RBM39: variants seen among roughly 807,000 people sequenced by gnomAD.
RBM39 encodes the protein RNA binding motif protein 39, also known as RNA-binding protein 39.
A neutral mutation model predicts 79.6 loss-of-function variants in RBM39; 12 were observed. The ratio of observed to expected loss-of-function variants is 0.15; its 90% CI spans 0.10 to 0.24. The LOEUF is 0.24. Ranked by LOEUF, RBM39 falls within the 10% of genes least tolerant of loss-of-function variation. The pLI is 1.00. For missense variants in RBM39, 243 were observed against 653.4 expected (o/e 0.37, Z 6.85); for synonymous variants, 185 against 208.4 (o/e 0.89, Z 0.97).
At chr20:35,732,319 A>T in intron 3 of RBM39, 184 bp from the exon 4 acceptor site, 1 of 603,864 alleles carries the variant, frequency 1.7e-6, no homozygotes, top group South Asian at 2.1e-5. Context: ...GCACTTTGGT[A>T]GGCCGAGGCA....
rs1188321290 is a variant in RBM39, at chr20:35,711,325, A to G, written c.1174+1694T>C. Among the ~76,000 whole-genome samples the G allele has an allele frequency of 2.0e-5, 3 of 152,230 alleles. No individual in the cohort carries two copies. The East Asian group carries it at 5.8e-4, about 29-fold the overall frequency. ...GTTAAAAAAAAACCTTTCAAACTGT[A>G]ATAATAAACTCTAGGTAATGAGTTT... On this transcript the variant is annotated intron_variant, in intron 12 of 16. Transcript: ENST00000253363.
At position 35,720,343 on chromosome 20, in the gene RBM39, G is replaced by A. The variant is rs143628965; in HGVS notation, c.825+1397C>T. On this transcript the variant is annotated intron_variant, in intron 9 of 16. Coordinates refer to ENST00000253363, the MANE Select transcript of RBM39 (RefSeq NM_184234.3). ...AATGCCAGACACAAGGCCTCGTGGC[G>A]CCTGTGAAGCAGATCAAGTTGGTTC... Among the ~76,000 whole-genome samples, 55 of 152,232 alleles carry A rather than the reference G, an allele frequency of 3.6e-4. No homozygotes were observed. The East Asian group carries it at 7.5e-3, about 21-fold the overall frequency.
chr20:35,718,396 A>C (rs749865476), intron 9 of RBM39, among the ~76,000 whole-genome samples: 24 of 152,090 alleles, frequency 1.6e-4, no homozygotes, highest in Non-Finnish European at 3.1e-4. Context: ...TAAACAATAT[A>C]AACATTTAGG....
intron 1 of RBM39, chr20:35,741,625 A>G (rs2425123): frequency 0.19 from 28,361 of 152,032 alleles, 3,043 homozygotes; most frequent in African/African-American, 0.31. Flanking sequence ...AGGGGCAAAG[A>G]GAAACTCCCT....
chr20:35,725,885 A>T (rs1270502785), intron 6 of RBM39, among the ~76,000 whole-genome samples: 1 of 151,970 alleles, frequency 6.6e-6, no homozygotes, highest in Non-Finnish European at 1.5e-5. Flanking sequence ...GCTGGTCTCC[A>T]ACTTTTGATC....
intron 13 of RBM39, among the ~76,000 whole-genome samples, chr20:35,708,450 A>C (rs1401720138): frequency 1.3e-5 from 2 of 152,266 alleles, no homozygotes; most frequent in East Asian, 3.9e-4. Context: ...AAGCTAGATC[A>C]ATGCAGAACA....
chr20:35,727,648 G>GTTTTTT (rs773616534), intron 6 of RBM39, among the ~76,000 whole-genome samples: 2 of 134,524 alleles, frequency 1.5e-5, no homozygotes, highest in African/African-American at 5.7e-5. Flanking sequence ...GCTAATTTTT[G>GTTTTTT]TATTTTTTTT....
At chr20:35,725,610 C>T (rs1429080204) in intron 6 of RBM39, among the ~76,000 whole-genome samples, 1 of 151,104 alleles carries the variant, frequency 6.6e-6, no homozygotes, top group African/African-American at 2.4e-5. Context: ...GTTCAGTAAA[C>T]AGAGTAAGCT....
At position 35,721,671 on chromosome 20, in the gene RBM39, A is replaced by G. The variant is rs189569854; in HGVS notation, c.825+69T>C. On this transcript the variant is annotated intron_variant, in intron 9 of 16. Coordinates refer to ENST00000253363, the MANE Select transcript of RBM39 (RefSeq NM_184234.3). ...TCACAGAAAGATAACAAAGCAAGAC[A>G]TACAGAAATTATGTAGTTATACTCA... 1.3e-4 allele frequency: 197 copies of G among 1,517,130 alleles called. 2 individuals carry two copies. Among genetic ancestry groups the G allele is most frequent in the Middle Eastern group, 3.7e-4 (2 of 5,450 alleles). 94.0% of individuals were successfully genotyped at this position (1,517,130 alleles called of 1,614,324 possible).
At chr20:35,735,689 T>TA (rs1197881632) in intron 3 of RBM39, among the ~76,000 whole-genome samples, 1 of 152,184 alleles carries the variant, frequency 6.6e-6, no homozygotes, top group Non-Finnish European at 1.5e-5. Context: ...ATTTGAAACA[T>TA]AAAGTTCCTT....
intron 4 of RBM39, 60 bp from the exon 5 acceptor site, chr20:35,729,587 T>G: frequency 1.4e-6 from 2 of 1,425,198 alleles, no homozygotes; most frequent in Non-Finnish European, 2.0e-6. Flanking sequence ...AAGATCGCAT[T>G]CATGCGCTCT....
chr20:35,738,762 T>C (rs980224583), intron 3 of RBM39, among the ~76,000 whole-genome samples: 1 of 152,206 alleles, frequency 6.6e-6, no homozygotes, highest in African/African-American at 2.4e-5. Flanking sequence ...GGGGAAGGTA[T>C]CTGAAACTAT....
At position 35,741,987 on chromosome 20, in the gene RBM39, T is replaced by TTGCTGC. The variant is rs72096088; in HGVS notation, c.-66_-61dup. 179 of 249,570 alleles carry TTGCTGC rather than the reference T, an allele frequency of 7.2e-4. 4 individuals carry two copies. The highest frequency in any genetic ancestry group is 5.3e-3 in the Middle Eastern group (7 of 1,332). 15.5% of individuals were successfully genotyped at this position (249,570 alleles called of 1,614,324 possible). On this transcript the variant is annotated 5_prime_UTR_variant, in exon 1 of 17. Transcript: ENST00000253363. ...TGTGGTGCTCGTGTTCGGGAAGAGA[T>TTGCTGC]TGCTGCTGCTGCTGCTGCTGCTGCC...
chr20:35,737,828 AAC>A (rs1313070052), intron 3 of RBM39, among the ~76,000 whole-genome samples: 1 of 111,540 alleles, frequency 9.0e-6, no homozygotes, highest in East Asian at 2.8e-4. Flanking sequence ...CAGCCTGGGC[AAC>A]AGAGCAAGAC....
chr20:35,722,421 TAAAAAAAA>T (rs1284227161), intron 8 of RBM39, among the ~76,000 whole-genome samples: 10,682 of 89,802 alleles, frequency 0.12, 573 homozygotes, highest in Middle Eastern at 0.16. Context: ...AAAATAAAAA[TAAAAAAAA>T]AAATAAAAAT....
intron 3 of RBM39, chr20:35,734,946 A>G: frequency 6.2e-7 from 1 of 1,600,118 alleles, no homozygotes; most frequent in Non-Finnish European, 8.5e-7. Context: ...TGTACTGAAC[A>G]TCACTGAAGT....
chr20:35,721,490 A>C (rs2037933114), intron 9 of RBM39, among the ~76,000 whole-genome samples: 1 of 152,158 alleles, frequency 6.6e-6, no homozygotes, highest in South Asian at 2.1e-4. Flanking sequence ...TGCCCAGCCA[A>C]TGTGGACTTT....
intron 10 of RBM39, among the ~76,000 whole-genome samples, chr20:35,715,970 C>CCACCACAGACTCTGAGCAGCTGTTAGTGT: frequency 6.6e-6 from 1 of 152,318 alleles, no homozygotes. Context: ...CTTCCTGAGG[C>CCACCACAGACTCTGAGCAGCTGTTAGTGT]CACCACAGAC....
At chr20:35,715,108 AATTTT>A (rs1402539242) in intron 10 of RBM39, among the ~76,000 whole-genome samples, 1 of 152,236 alleles carries the variant, frequency 6.6e-6, no homozygotes, top group African/African-American at 2.4e-5. Flanking sequence ...ATAAGCTAAC[AATTTT>A]AATTTCCTGA....
Sources: gnomAD v4.1 joint callset for allele counts (sites outside exome capture counted in the v4.1 genomes callset) on GRCh38, gnomAD v4.1.1 for gene constraint, MANE v1.5 for transcripts, NCBI Gene and HGNC (gene_info 2026-07-23, HGNC 2026-07-21) for gene names.